TVP23A: variants seen among roughly 807,000 people sequenced by gnomAD.
TVP23A encodes the protein trans-golgi network vesicle protein 23 homolog A.
A neutral mutation model predicts 31.7 loss-of-function variants in TVP23A; 21 were observed. The ratio of observed to expected loss-of-function variants is 0.66; its 90% confidence interval spans 0.47 to 0.95. The LOEUF is 0.95. TVP23A is among the 40% of genes least tolerant of loss of function. The probability of loss-of-function intolerance (pLI) is 0.00; values close to 1 mark genes in which losing one functional copy is unlikely to be tolerated. For missense variants in TVP23A, 279 were observed against 255.6 expected, an observed-to-expected ratio of 1.09 and a Z score of -0.62; for synonymous variants, 104 against 96.0, an observed-to-expected ratio of 1.08 and a Z score of -0.49.
chr16:10,769,904 T>C (rs944378278), intron 7 of TVP23A, among the ~76,000 whole-genome samples: 2 of 152,092 alleles, frequency 1.3e-5, no homozygotes, highest in African/African-American at 4.8e-5. Context: ...TAAATTCCTG[T>C]TTTCCCTCCA....
At chr16:10,790,745 G>T (rs147802043) in intron 2 of TVP23A, among the ~76,000 whole-genome samples, 49 of 152,244 alleles carry the variant, frequency 3.2e-4, no homozygotes, top group African/African-American at 1.1e-3. Flanking sequence ...AGGAATTTGG[G>T]CAAGATAGGA....
chr16:10,781,109 A>G (rs1285628730), intron 2 of TVP23A, among the ~76,000 whole-genome samples: 1 of 152,106 alleles, frequency 6.6e-6, no homozygotes, highest in African/African-American at 2.4e-5. Context: ...TGGGCAGATT[A>G]CTTGAGGTCA....
chr16:10,766,152 TGCTGAGGATCACAGGAAGG>T (rs1406281470), downstream of TVP23A: 2 of 152,398 alleles, frequency 1.3e-5, no homozygotes, highest in African/African-American at 4.8e-5. This position sits in a 1 kb window ranked among gnomAD's most constrained non-coding sequence, Gnocchi z 4.8. Context: ...GGTCCCGGTG[TGCTGAGGATCACAGGAAGG>T]GCTGGCCTCA....
chr16:10,818,646 G>T lies in TVP23A; in HGVS notation c.-153C>A. The T allele has an allele frequency of 1.0e-6, 1 of 974,086 alleles. No homozygotes were observed. The highest frequency in any genetic ancestry group is 1.4e-6 in the Non-Finnish European group (1 of 705,972). 60.3% of individuals were successfully genotyped at this position (974,086 alleles called of 1,614,324 possible). ...CGCCCTGTGGGGCAGCCTCAGCGCA[G>T]CTTCTCGGGTGGGGCGGGGCGCTCG... is the stretch of plus-strand genomic sequence containing the variant. On this transcript the variant is annotated 5_prime_UTR_variant, in exon 1 of 8. In the 5' UTR this introduces an upstream ATG that the reference lacks. Coordinates refer to ENST00000299866, the MANE Select transcript of TVP23A (RefSeq NM_001079512.4). This position sits in a 1 kb window ranked among gnomAD's most constrained non-coding sequence, Gnocchi z 4.7.
chr16:10,757,582 C>G (rs1440380603), downstream of TVP23A, among the ~76,000 whole-genome samples: 1 of 152,118 alleles, frequency 6.6e-6, no homozygotes, highest in Non-Finnish European at 1.5e-5. This position sits in a 1 kb window ranked among gnomAD's most constrained non-coding sequence, Gnocchi z 4.1. Flanking sequence ...TTGTGACAAC[C>G]CAAAATGTCT....
chr16:10,757,939 C>T (rs1015758716), downstream of TVP23A: 15 of 1,614,114 alleles, frequency 9.3e-6, no homozygotes, highest in Middle Eastern at 1.6e-4. This position sits in a 1 kb window ranked among gnomAD's most constrained non-coding sequence, Gnocchi z 4.1. Context: ...GTGGACACCC[C>T]ACCTGGGACG....
At chr16:10,795,824 T>C (rs1383638564) in intron 2 of TVP23A, among the ~76,000 whole-genome samples, 1 of 151,978 alleles carries the variant, frequency 6.6e-6, no homozygotes, top group East Asian at 1.9e-4. Flanking sequence ...GCACCAACGG[T>C]TCCTGAGAGA....
intron 2 of TVP23A, among the ~76,000 whole-genome samples, chr16:10,787,432 C>T (rs534824510): frequency 3.3e-5 from 5 of 152,274 alleles, no homozygotes; most frequent in South Asian, 2.1e-4. Flanking sequence ...TTCAAAATGG[C>T]GGCTCCATCT....
chr16:10,771,646 A>G (rs572649501), intron 6 of TVP23A, 24 bp downstream of exon 6: 1 of 1,613,544 alleles, frequency 6.2e-7, no homozygotes, highest in South Asian at 1.1e-5. Context: ...GGAGTGGTCC[A>G]AGAGTCAGAC....
intron 2 of TVP23A, among the ~76,000 whole-genome samples, chr16:10,807,914 T>C (rs1309677464): frequency 1.3e-5 from 2 of 152,210 alleles, no homozygotes; most frequent in Non-Finnish European, 2.9e-5. Context: ...GTTCTTGCTA[T>C]GTTGTCCAGG....
At chr16:10,800,555 G>A (rs920404150) in intron 2 of TVP23A, among the ~76,000 whole-genome samples, 1 of 152,148 alleles carries the variant, frequency 6.6e-6, no homozygotes, top group Non-Finnish European at 1.5e-5. Flanking sequence ...CTAACTCAGT[G>A]GTTATTTAAT....
intron 2 of TVP23A, among the ~76,000 whole-genome samples, chr16:10,806,492 A>G (rs1245657905): frequency 6.6e-6 from 1 of 151,952 alleles, no homozygotes; most frequent in African/African-American, 2.4e-5. Flanking sequence ...CACACTTCAG[A>G]TTTTATTGTT....
chr16:10,807,480 C>T (rs2033998877), intron 2 of TVP23A, among the ~76,000 whole-genome samples: 1 of 152,146 alleles, frequency 6.6e-6, no homozygotes, highest in African/African-American at 2.4e-5. Context: ...AGATCTCAAC[C>T]AGGGGCAATG....
downstream of TVP23A, chr16:10,764,976 T>C (rs1029709201): frequency 5.9e-6 from 1 of 169,572 alleles, no homozygotes; most frequent in African/African-American, 2.4e-5. Context: ...ACCAGGGCAT[T>C]CCTGAGCCCA....
intron 2 of TVP23A, among the ~76,000 whole-genome samples, chr16:10,778,897 C>T (rs1343310344): frequency 6.6e-6 from 1 of 152,116 alleles, no homozygotes; most frequent in Non-Finnish European, 1.5e-5. Context: ...ACCTGGGAGG[C>T]AGAGGTTGCA....
At chr16:10,803,244 A>AGT (rs2033786683) in intron 2 of TVP23A, among the ~76,000 whole-genome samples, 1 of 86,564 alleles carries the variant, frequency 1.2e-5, no homozygotes, top group Non-Finnish European at 2.1e-5. Context: ...AGATCGCGCC[A>AGT]CTGTGTGTGT....
intron 2 of TVP23A, among the ~76,000 whole-genome samples, chr16:10,804,163 A>G (rs1239605453): frequency 2.0e-5 from 3 of 152,180 alleles, no homozygotes. Context: ...TGGCCTATCC[A>G]CACAGGCCCC....
At chr16:10,802,267 TGTG>T (rs2033735721) in intron 2 of TVP23A, among the ~76,000 whole-genome samples, 1 of 139,952 alleles carries the variant, frequency 7.1e-6, no homozygotes, top group East Asian at 2.0e-4. Flanking sequence ...TGTGTGTGTG[TGTG>T]TGTGTGTGTG....
chr16:10,786,499 A>T (rs2032761229), intron 2 of TVP23A, among the ~76,000 whole-genome samples: 1 of 152,080 alleles, frequency 6.6e-6, no homozygotes, highest in African/African-American at 2.4e-5. Context: ...CTCCAACTAG[A>T]ATTCCTCATG....
Sources: allele counts gnomAD v4.1 joint callset (sites outside exome capture counted in the v4.1 genomes callset), GRCh38; gene constraint gnomAD v4.1.1; non-coding constraint Gnocchi (gnomAD v3.1); transcripts MANE v1.5; gene names NCBI Gene and HGNC (gene_info 2026-07-23, HGNC 2026-07-21).